CDH8: variants seen among roughly 807,000 people sequenced by gnomAD.
CDH8 encodes cadherin-8.
Under a neutral mutation model 68.1 loss-of-function variants are expected in CDH8, and 17 were observed. That is an observed-to-expected ratio of 0.25 (90% CI 0.17 to 0.37). CDH8 has a LOEUF of 0.37. Ranked by LOEUF, CDH8 falls within the 10% of genes least tolerant of loss-of-function variation. The pLI is 1.00. For synonymous variants in CDH8, 372 were observed against 365.1 expected (o/e 1.02, Z -0.21); for missense variants, 763 against 999.3 (o/e 0.76, Z 3.19).
At chr16:61,984,455 CG>C (rs1024417610) in intron 2 of CDH8, among the ~76,000 whole-genome samples, 5 of 148,954 alleles carry the variant, frequency 3.4e-5, no homozygotes, top group African/African-American at 1.3e-4. Context: ...TTGTCTTTTA[CG>C]TTTTTTTTTT....
intron 2 of CDH8, among the ~76,000 whole-genome samples, chr16:61,972,541 T>C (rs1163428730): frequency 1.4e-5 from 2 of 146,570 alleles, no homozygotes; most frequent in African/African-American, 5.3e-5. Context: ...GCAAGAAAAA[T>C]TGTCTTTTTT....
intron 5 of CDH8, among the ~76,000 whole-genome samples, chr16:61,822,630 T>G (rs1306399994): frequency 6.6e-6 from 1 of 151,880 alleles, no homozygotes; most frequent in Non-Finnish European, 1.5e-5. Context: ...GACTGGGGAT[T>G]GAAATATTTT....
chr16:61,774,269 G>A (rs769839447), intron 8 of CDH8, among the ~76,000 whole-genome samples: 1 of 151,916 alleles, frequency 6.6e-6, no homozygotes, highest in Non-Finnish European at 1.5e-5. Flanking sequence ...AGAAGCCAGA[G>A]TCCTTAGGGA....
rs200638903 is a variant in CDH8 at position 61,653,647 on chromosome 16, G to T, written c.2361C>A (p.Gly787=). ...CACTTTCACCAACAGAGTAGAGTTC[G>T]CCCAGTCTCTTAAAGCGGGGACCCC... is the stretch of plus-strand genomic sequence containing the variant. ...SDWGPRFKRL[G]ELYSVGESDK... The change falls in exon 12 of 12, where the codon GGC becomes GGA. Residue 787 remains glycine, a synonymous_variant. Coordinates refer to ENST00000577390, the MANE Select transcript of CDH8 (RefSeq NM_001796.5). The T allele has an allele frequency of 8.1e-6, 13 of 1,613,446 alleles. No homozygotes were observed. The highest frequency in any genetic ancestry group is 2.7e-5 in the African/African-American group (2 of 74,828).
chr16:61,840,857 C>T (rs532242386), intron 4 of CDH8, among the ~76,000 whole-genome samples: 19 of 152,024 alleles, frequency 1.2e-4, no homozygotes, highest in Non-Finnish European at 2.6e-4. Context: ...GTGCAGCAAA[C>T]CACCATGGCA....
At chr16:62,020,608 A>T (rs1265484281) in intron 2 of CDH8, among the ~76,000 whole-genome samples, 1 of 152,194 alleles carries the variant, frequency 6.6e-6, no homozygotes, top group Non-Finnish European at 1.5e-5. Context: ...AAGTTTTTCA[A>T]ATAGTACAAT....
intron 4 of CDH8, among the ~76,000 whole-genome samples, chr16:61,842,810 T>C (rs1962715441): frequency 1.3e-5 from 2 of 152,112 alleles, no homozygotes; most frequent in African/African-American, 4.8e-5. Context: ...TACCTTAGGA[T>C]CAAATTACTG....
chr16:61,769,147 C>T (rs1042783926), intron 8 of CDH8, among the ~76,000 whole-genome samples: 7 of 151,682 alleles, frequency 4.6e-5, no homozygotes, highest in Non-Finnish European at 1.0e-4. Flanking sequence ...GTGAGACAGA[C>T]AAAGGCAAAC....
At chr16:61,924,236 T>C (rs1364207831) in intron 2 of CDH8, among the ~76,000 whole-genome samples, 2 of 152,132 alleles carry the variant, frequency 1.3e-5, no homozygotes, top group African/African-American at 4.8e-5. Context: ...GAATAATCAA[T>C]TTTAGGTTCC....
At chr16:61,674,944 C>CA (rs576278729) in intron 10 of CDH8, among the ~76,000 whole-genome samples, 3,613 of 95,304 alleles carry the variant, frequency 0.038, 65 homozygotes, top group Non-Finnish European at 0.049. Flanking sequence ...GAACAGAAAG[C>CA]AAAAAAAAAA....
At position 61,817,669 on chromosome 16, in the gene CDH8, C is replaced by G. The variant is rs1962111957; in HGVS notation, c.1087G>C (p.Asp363His). 1.2e-6 allele frequency: 2 copies of G among 1,612,380 alleles called. No individual in the cohort carries two copies. The highest frequency in any genetic ancestry group is 1.7e-6 in the Non-Finnish European group (2 of 1,179,086). ...GGCCCCCTGCCACTGAAGCGTGGGT[C>G]AATATGGACATTGGCTGCCTCTACC... is the stretch of plus-strand genomic sequence containing the variant. ...LKVEAANVHI[D>H]PRFSGRGPFK... Residue 363 changes from aspartate (D) to histidine (H), a missense_variant, in exon 7 of 12, where the codon GAC becomes CAC. By Grantham distance (81) the Asp-to-His change is moderately conservative. This residue lies in a region of CDH8 where 366 missense variants were observed against 563.1 expected (regional missense o/e 0.65). Transcript: ENST00000577390.
rs181685344 is a variant in CDH8 at position 61,958,231 on chromosome 16, A to G, written c.253-56758T>C. Among the ~76,000 whole-genome samples, 203 of 152,288 alleles carry G rather than the reference A, an allele frequency of 1.3e-3. 1 individual carries two copies. Among genetic ancestry groups the G allele is most frequent in the Non-Finnish European group, 2.4e-3 (166 of 68,028 alleles). ...AGGCTGATGATAGCCTAGGTGGACC[A>G]TCTGGGGTTGAGCTAAATAAAAGAA... is the stretch of plus-strand genomic sequence containing the variant. On this transcript the variant is annotated intron_variant, in intron 2 of 11. Coordinates refer to ENST00000577390, the MANE Select transcript of CDH8 (RefSeq NM_001796.5).
chr16:61,671,076 C>G (rs1404718120), intron 10 of CDH8, among the ~76,000 whole-genome samples: 2 of 151,926 alleles, frequency 1.3e-5, no homozygotes, highest in Non-Finnish European at 2.9e-5. Context: ...CCACTTGGGT[C>G]TGAGCATATA....
intron 7 of CDH8, among the ~76,000 whole-genome samples, chr16:61,813,218 T>C (rs1015959980): frequency 1.1e-4 from 17 of 152,276 alleles, no homozygotes; most frequent in Middle Eastern, 3.4e-3. Context: ...TTATAATTGG[T>C]CCTACTCAGT....
intron 4 of CDH8, among the ~76,000 whole-genome samples, chr16:61,853,373 T>C (rs1307456936): frequency 6.6e-6 from 1 of 152,152 alleles, no homozygotes; most frequent in African/African-American, 2.4e-5. Context: ...TTTTTTGTTA[T>C]TGAAAATATG....
intron 2 of CDH8, among the ~76,000 whole-genome samples, chr16:61,921,921 C>T (rs1964375345): frequency 6.6e-6 from 1 of 152,214 alleles, no homozygotes; most frequent in Non-Finnish European, 1.5e-5. Context: ...ATCCCAGCTA[C>T]TCAGGAGGCT....
intron 2 of CDH8, among the ~76,000 whole-genome samples, chr16:61,974,495 G>A (rs1307523193): frequency 6.6e-6 from 1 of 152,154 alleles, no homozygotes; most frequent in Non-Finnish European, 1.5e-5. Flanking sequence ...ATCCAGTTCT[G>A]AATGTTTTGA....
Position 61,853,482 on chromosome 16 carries a change from T to C in CDH8, c.667+3637A>G, listed in dbSNP as rs540182538. On this transcript the variant is annotated intron_variant, in intron 4 of 11. Coordinates refer to ENST00000577390, the MANE Select transcript of CDH8 (RefSeq NM_001796.5). Reference sequence around the variant, plus strand: ...TGTAACCCGGTGAGGGACTGTTCACTGTCACAATATCGATCATTTTAGCTA... The same window carrying C: ...TGTAACCCGGTGAGGGACTGTTCACCGTCACAATATCGATCATTTTAGCTA... Among the ~76,000 whole-genome samples the C allele has an allele frequency of 2.5e-4, 38 of 152,240 alleles. 1 individual carries two copies. Among genetic ancestry groups the C allele is most frequent in the South Asian group, 1.2e-3 (6 of 4,834 alleles).
chr16:62,002,919 G>A (rs1347667143), intron 2 of CDH8, among the ~76,000 whole-genome samples: 10 of 152,096 alleles, frequency 6.6e-5, no homozygotes, highest in South Asian at 2.1e-4. Flanking sequence ...TGGGCGTGGC[G>A]GCAGGCACCT....
Sources: gnomAD v4.1 joint callset for allele counts (sites outside exome capture counted in the v4.1 genomes callset) on GRCh38, gnomAD v4.1.1 for gene constraint, gnomAD v4.1.1 regional missense constraint, MANE v1.5 for transcripts, NCBI Gene and HGNC (gene_info 2026-07-23, HGNC 2026-07-21) for gene names.